Variants in SYNJ2 observed in about 807,000 individuals in gnomAD.
SYNJ2 encodes synaptojanin 2.
Under a neutral mutation model 141.3 loss-of-function variants are expected in SYNJ2, and 116 were observed. The ratio of observed to expected loss-of-function variants is 0.82; its 90% CI spans 0.71 to 0.96. SYNJ2 has a LOEUF of 0.96. Ranked by LOEUF, SYNJ2 falls within the 40% of genes least tolerant of loss-of-function variation. The pLI is 0.00. For missense variants in SYNJ2, 1,873 were observed against 1,934.8 expected, an observed-to-expected ratio of 0.97 and a Z score of 0.60; for synonymous variants, 745 against 777.7, an observed-to-expected ratio of 0.96 and a Z score of 0.70.
At chr6:158,057,174 G>A (rs918793686) in intron 6 of SYNJ2, among the ~76,000 whole-genome samples, 3 of 152,090 alleles carry the variant, frequency 2.0e-5, no homozygotes, top group African/African-American at 4.8e-5. Flanking sequence ...TCAGTATCCC[G>A]AAAAACTCCT....
rs566838255 is a variant in SYNJ2, at chr6:158,056,183, G to A, written c.857+1155G>A. ...CGCTTCAGGAACCCTCCTATGTTTA[G>A]GAGCTTTCTTAAAAAATACATACAT... On this transcript the variant is annotated intron_variant, in intron 6 of 26. Coordinates refer to ENST00000355585, the MANE Select transcript of SYNJ2 (RefSeq NM_003898.4). Among the ~76,000 whole-genome samples, 8 of 152,314 alleles carry A rather than the reference G, an allele frequency of 5.3e-5. No individual in the cohort carries two copies. The South Asian group carries it at 1.7e-3, about 32-fold the overall frequency.
At position 158,095,662 on chromosome 6, in the gene SYNJ2, T is replaced by G; in HGVS notation, c.3789T>G (p.Phe1263Leu). 1 of 1,612,666 alleles carries G rather than the reference T, an allele frequency of 6.2e-7. No individual in the cohort carries two copies. The highest frequency in any genetic ancestry group is 1.7e-5 in the Admixed American group (1 of 59,702). ...AGTTTGAGCAACAGACTGTCCATTT[T>G]ACAATCGGGCCCCCGGAGACAAGCG... ...EEQFEQQTVH[F>L]TIGPPETSVE... The change falls in exon 27 of 27, where the codon TTT becomes TTG. Residue 1263 changes from phenylalanine (F) to leucine (L), a missense_variant. Phe to Leu is a conservative substitution (Grantham distance 22). Coordinates refer to ENST00000355585, the MANE Select transcript of SYNJ2 (RefSeq NM_003898.4).
In SYNJ2 at chr6:158,062,000, C is replaced by G. The variant is rs1781250522; in HGVS notation, c.963C>G (p.Leu321=). Residue 321 remains leucine (L), a synonymous_variant, in exon 8 of 27, where the codon CTC becomes CTG. Transcript: ENST00000355585. ...EVLNRAFKKL[L]WASCHAGDTP... is the part of the protein sequence containing the mutation. ...TCCCCTCCTCTTTTCAGAAGCTGCT[C>G]TGGGCTTCTTGCCACGCGGGCGACA... The G allele has an allele frequency of 6.2e-7, 1 of 1,613,792 alleles. No homozygotes were observed. The highest frequency in any genetic ancestry group is 1.3e-5 in the African/African-American group (1 of 74,946).
intron 6 of SYNJ2, among the ~76,000 whole-genome samples, chr6:158,057,719 G>T (rs1780954520): frequency 6.6e-6 from 1 of 152,250 alleles, no homozygotes; most frequent in Non-Finnish European, 1.5e-5. Context: ...AATGGGCCTT[G>T]TTTCCGATGA....
chr6:158,054,998 G>T lies in SYNJ2; in HGVS notation c.827G>T (p.Gly276Val). ...VGSHHLRLHR[G>V]LEANAPAFDR... ...TCCCATCATCTGAGACTCCACAGAGGCCTGGAAGCCAATGCCCCTGCTTTC... is the reference window on the plus strand; with the variant it reads ...TCCCATCATCTGAGACTCCACAGAGTCCTGGAAGCCAATGCCCCTGCTTTC... The change falls in exon 6 of 27, where the codon GGC becomes GTC. Residue 276 changes from glycine to valine, a missense_variant. Gly to Val is a moderately radical substitution (Grantham distance 109). Coordinates refer to ENST00000355585, the MANE Select transcript of SYNJ2 (RefSeq NM_003898.4). 1 of 1,614,070 alleles carries T rather than the reference G, an allele frequency of 6.2e-7. No individual in the cohort carries two copies. Among genetic ancestry groups the T allele is most frequent in the Non-Finnish European group, 8.5e-7 (1 of 1,180,026 alleles).
At chr6:158,046,827 G>A (rs1207415818) in intron 5 of SYNJ2, among the ~76,000 whole-genome samples, 3 of 152,118 alleles carry the variant, frequency 2.0e-5, no homozygotes, top group Admixed American at 1.3e-4. Context: ...TAGCTAGTTC[G>A]AGAATCTATT....
chr6:158,072,766 C>T (rs897944327), intron 15 of SYNJ2, among the ~76,000 whole-genome samples: 1 of 151,660 alleles, frequency 6.6e-6, no homozygotes, highest in East Asian at 1.9e-4. Flanking sequence ...TAACCCTTCT[C>T]ACTTAAAAAT....
intron 4 of SYNJ2, among the ~76,000 whole-genome samples, chr6:158,037,152 A>T (rs1779680294): frequency 2.0e-5 from 3 of 152,116 alleles, no homozygotes; most frequent in East Asian, 1.9e-4. Flanking sequence ...CAACACACTT[A>T]TTCTCTCCCA....
In SYNJ2 at chr6:158,017,170, C is replaced by T. The variant is rs878224; in HGVS notation, c.128-34C>T. ...TGAACAGGAATGAGCAGGAGACGCT[C>T]GCTGATGCCTTCTGTGATGTGTTTC... On this transcript the variant is annotated intron_variant, in intron 1 of 26. Transcript: ENST00000355585. 3.2e-3 allele frequency: 5,065 copies of T among 1,606,998 alleles called. 130 individuals are homozygous for T. The African/African-American group carries it at 0.061, about 19-fold the overall frequency.
rs61529071 is a variant in SYNJ2, at chr6:157,993,797, G to GTTT, written c.127+11742_127+11744dup. Among the ~76,000 whole-genome samples the GTTT allele has an allele frequency of 8.2e-3, 391 of 47,936 alleles. 36 individuals carry two copies. Among genetic ancestry groups the GTTT allele is most frequent in the Middle Eastern group, 0.028 (1 of 36 alleles). 31.4% of individuals were successfully genotyped at this position (47,936 alleles called of 152,430 possible). A position where few individuals can be genotyped will look rare whatever the true frequency, so the allele number is the denominator to read the frequency against. Reference sequence around the variant, plus strand: ...AGTTTGTGTGTCTGGAAATGTGTGGGTTTTTTTTTTTTTTTTTTTTTTTTT... The same window carrying GTTT: ...AGTTTGTGTGTCTGGAAATGTGTGGGTTTTTTTTTTTTTTTTTTTTTTTTTTTT... On this transcript the variant is annotated intron_variant, in intron 1 of 26. Transcript: ENST00000355585.
In SYNJ2 at chr6:158,038,437, C is replaced by T. The variant is rs188688982; in HGVS notation, c.711+4757C>T. Among the ~76,000 whole-genome samples, 747 of 152,340 alleles carry T rather than the reference C, an allele frequency of 4.9e-3. 5 individuals are homozygous for T. Among genetic ancestry groups the T allele is most frequent in the African/African-American group, 0.017 (694 of 41,574 alleles). On this transcript the variant is annotated intron_variant, in intron 4 of 26. Coordinates refer to ENST00000355585, the MANE Select transcript of SYNJ2 (RefSeq NM_003898.4). ...ACTTAACCCATGGTGACTTCGTTAA[C>T]AAGAGATGCGTAGCGGGGCCCCAGG...
intron 22 of SYNJ2, among the ~76,000 whole-genome samples, 186 bp from the exon 23 acceptor site, chr6:158,086,669 A>G (rs1201862830): frequency 2.0e-5 from 3 of 152,192 alleles, no homozygotes; most frequent in Non-Finnish European, 1.5e-5. Flanking sequence ...TGTTCCAAGC[A>G]GGCACTGGGT....
In SYNJ2 at chr6:158,063,659, CAAAAAAAA is replaced by C. The variant is rs71298907; in HGVS notation, c.1128-111_1128-104del. 426 of 188,606 alleles carry C rather than the reference CAAAAAAAA, an allele frequency of 2.3e-3. 1 individual carries two copies. The highest frequency in any genetic ancestry group is 7.5e-3 in the East Asian group (68 of 9,098). The allele number at this position is 188,606 out of a possible 1,614,324, so 11.7% of individuals were successfully genotyped here. ...GGGTGACAGAGGTGAGACTCTGTCTCAAAAAAAAAAAAAAAAAAAAAAAAAAAACCATG... is the reference window on the plus strand; with the variant it reads ...GGGTGACAGAGGTGAGACTCTGTCTCAAAAAAAAAAAAAAAAAAAACCATG... On this transcript the variant is annotated intron_variant, in intron 8 of 26. Transcript: ENST00000355585.
chr6:158,022,952 T>C (rs1485466992), intron 2 of SYNJ2, among the ~76,000 whole-genome samples: 1 of 152,114 alleles, frequency 6.6e-6, no homozygotes, highest in Non-Finnish European at 1.5e-5. Context: ...ACACTTTCCT[T>C]AAAACCCATA....
At chr6:158,093,407 G>A (rs1226202921) in intron 26 of SYNJ2, among the ~76,000 whole-genome samples, 1 of 148,500 alleles carries the variant, frequency 6.7e-6, no homozygotes, top group Non-Finnish European at 1.5e-5. Flanking sequence ...CTGCATTCCA[G>A]CCTGAGCAGC....
At chr6:158,088,860 T>A in intron 24 of SYNJ2, 88 bp downstream of exon 24, 1 of 971,008 alleles carries the variant, frequency 1.0e-6, no homozygotes, top group Non-Finnish European at 1.6e-6. Context: ...TATAGATTTA[T>A]GTGTCTTTAA....
chr6:157,996,811 C>T (rs939089404), intron 1 of SYNJ2, among the ~76,000 whole-genome samples: 2 of 152,192 alleles, frequency 1.3e-5, no homozygotes, highest in Non-Finnish European at 2.9e-5. Context: ...TTGCCTATTC[C>T]CACTTTGCCT....
intron 25 of SYNJ2, among the ~76,000 whole-genome samples, chr6:158,092,642 G>A (rs564315835): frequency 1.5e-4 from 23 of 152,252 alleles, no homozygotes; most frequent in Non-Finnish European, 2.2e-4. Flanking sequence ...GTGCTCACCC[G>A]TAATCCCAGC....
intron 1 of SYNJ2, among the ~76,000 whole-genome samples, chr6:157,997,400 C>T (rs1045202540): frequency 6.6e-5 from 10 of 152,124 alleles, no homozygotes; most frequent in African/African-American, 2.4e-4. Flanking sequence ...AGAAAAGGGA[C>T]ACAGGCAGAC....
Sources: gnomAD v4.1 joint callset for allele counts (sites outside exome capture counted in the v4.1 genomes callset) on GRCh38, gnomAD v4.1.1 for gene constraint, MANE v1.5 for transcripts, NCBI Gene and HGNC (gene_info 2026-07-23, HGNC 2026-07-21) for gene names.